EFCAB6: variants seen among roughly 807,000 people sequenced by gnomAD.
The protein encoded by EFCAB6 is EF-hand calcium-binding domain-containing protein 6.
Under a neutral mutation model 169.8 loss-of-function variants are expected in EFCAB6, and 156 were observed. The ratio of observed to expected loss-of-function variants is 0.92; its 90% CI spans 0.81 to 1.05. The LOEUF is 1.05. Ranked by LOEUF, EFCAB6 falls within the 50% of genes least tolerant of loss-of-function variation. The pLI, the probability that EFCAB6 is intolerant of heterozygous loss-of-function variation, is 0.00. For synonymous variants in EFCAB6, 698 were observed against 676.4 expected (o/e 1.03, Z -0.50); for missense variants, 1,800 against 1,829.1 (o/e 0.98, Z 0.29).
intron 2 of EFCAB6, among the ~76,000 whole-genome samples, chr22:43,791,678 C>A (rs1375813957): frequency 1.3e-5 from 2 of 151,996 alleles, no homozygotes; most frequent in African/African-American, 2.4e-5. Context: ...CACCGAGGAC[C>A]CTGATAGTAA....
chr22:43,600,753 T>G (rs979363340), intron 22 of EFCAB6, among the ~76,000 whole-genome samples: 2 of 152,144 alleles, frequency 1.3e-5, no homozygotes, highest in African/African-American at 4.8e-5. Context: ...AACCTCTGTC[T>G]CCAAGGCTCA....
chr22:43,737,392 T>TCA (rs1018294856), intron 6 of EFCAB6, among the ~76,000 whole-genome samples: 1 of 138,020 alleles, frequency 7.2e-6, no homozygotes, highest in Non-Finnish European at 1.6e-5. Context: ...ACACATATAT[T>TCA]CACACACACA....
intron 17 of EFCAB6, among the ~76,000 whole-genome samples, chr22:43,659,756 G>A (rs2056915402): frequency 6.6e-6 from 1 of 152,194 alleles, no homozygotes; most frequent in South Asian, 2.1e-4. Flanking sequence ...ATATGTGTGG[G>A]GAATTCATGG....
At chr22:43,613,203 G>A (rs2053446196) in intron 21 of EFCAB6, among the ~76,000 whole-genome samples, 1 of 147,052 alleles carries the variant, frequency 6.8e-6, no homozygotes, top group African/African-American at 2.5e-5. Flanking sequence ...TAATATATTT[G>A]TTATAGAAAT....
rs752675139 is a variant in EFCAB6, at chr22:43,755,794, C to T, written c.479G>A (p.Arg160Lys). ...TTCTCCCACTTGGATTTCAAGTTCT[C>T]TTAATGTGCGGCAGCAATTCATTTC... ...GNEMNCCRTL[R>K]ELEIQVGEKV... is the part of the protein sequence containing the mutation. The change falls in exon 6 of 32, where the codon AGA becomes AAA. Residue 160 changes from arginine (R) to lysine (K), a missense_variant. Physicochemically the swap from Arg to Lys is conservative, Grantham distance 26. Coordinates refer to ENST00000262726, the MANE Select transcript of EFCAB6 (RefSeq NM_022785.4). 5 of 1,607,254 alleles carry T rather than the reference C, an allele frequency of 3.1e-6. No individual in the cohort carries two copies. The highest frequency in any genetic ancestry group is 4.2e-6 in the Non-Finnish European group (5 of 1,178,048).
intron 4 of EFCAB6, among the ~76,000 whole-genome samples, chr22:43,769,363 G>A (rs565773237): frequency 5.3e-5 from 8 of 152,176 alleles, no homozygotes; most frequent in Non-Finnish European, 7.3e-5. Context: ...TGCTAAGGAG[G>A]ACAGTTTCTT....
At chr22:43,811,335 GGA>G (rs1247990157) in intron 1 of EFCAB6, among the ~76,000 whole-genome samples, 10 of 128,968 alleles carry the variant, frequency 7.8e-5, no homozygotes, top group African/African-American at 1.5e-4. Context: ...GGGGAGGGGA[GGA>G]GAGAGGAGGG....
intron 6 of EFCAB6, among the ~76,000 whole-genome samples, chr22:43,753,992 T>C (rs1442466163): frequency 2.0e-5 from 3 of 152,200 alleles, no homozygotes; most frequent in Non-Finnish European, 2.9e-5. Flanking sequence ...TTTCTCAGTC[T>C]CCAACATTAG....
At chr22:43,622,881 T>G (rs1436869894) in intron 20 of EFCAB6, among the ~76,000 whole-genome samples, 1 of 152,200 alleles carries the variant, frequency 6.6e-6, no homozygotes, top group Admixed American at 6.5e-5. Context: ...TCTACAGTAT[T>G]TCTCAAGAAT....
At chr22:43,749,599 G>C (rs1290716431) in intron 6 of EFCAB6, among the ~76,000 whole-genome samples, 1 of 152,154 alleles carries the variant, frequency 6.6e-6, no homozygotes, top group African/African-American at 2.4e-5. Context: ...AGAAGCTAAT[G>C]CCGCTGCTGA....
At chr22:43,655,236 A>G (rs1437571192) in intron 17 of EFCAB6, among the ~76,000 whole-genome samples, 1 of 152,282 alleles carries the variant, frequency 6.6e-6, no homozygotes, top group South Asian at 2.1e-4. Flanking sequence ...CAGCCTGGGC[A>G]ACAGAGCAAG....
Position 43,755,766 on chromosome 22 carries a change from C to T in EFCAB6, c.507G>A (p.Lys169=), listed in dbSNP as rs762514618. The T allele has an allele frequency of 6.2e-7, 1 of 1,606,106 alleles. No individual in the cohort carries two copies. The highest frequency in any genetic ancestry group is 1.7e-5 in the Admixed American group (1 of 58,508). Residue 169 remains lysine, a splice_region_variant and synonymous_variant, in exon 6 of 32, where the codon AAG becomes AAA. Transcript: ENST00000262726. The part of the protein sequence containing the change: ...LRELEIQVGE[K]VFKNIKTVMK... ...ATCATTTCTTTAAAATCTCTATTAC[C>T]TTTTCTCCCACTTGGATTTCAAGTT...
At chr22:43,683,021 C>T (rs1355272667) in intron 12 of EFCAB6, among the ~76,000 whole-genome samples, 4 of 152,160 alleles carry the variant, frequency 2.6e-5, no homozygotes, top group Admixed American at 2.6e-4. Flanking sequence ...CTCCCAGACA[C>T]TCCCTCCACG....
At chr22:43,731,853 TA>T in intron 7 of EFCAB6, 42 bp from the exon 8 acceptor site, 1 of 1,315,166 alleles carries the variant, frequency 7.6e-7, no homozygotes, top group Non-Finnish European at 1.0e-6. Flanking sequence ...ATTATGAATC[TA>T]AAATGAAGCA....
chr22:43,712,630 TTC>T (rs2147387846), intron 9 of EFCAB6, among the ~76,000 whole-genome samples: 1 of 152,298 alleles, frequency 6.6e-6, no homozygotes, highest in South Asian at 2.1e-4. Context: ...ATTTGTCCAT[TTC>T]TCTTTCAGGG....
At position 43,537,588 on chromosome 22, in the gene EFCAB6, A is replaced by AT; in HGVS notation, c.3880-44_3880-43insA. 1 of 1,565,516 alleles carries AT rather than the reference A, an allele frequency of 6.4e-7. No homozygotes were observed. The highest frequency in any genetic ancestry group is 8.7e-7 in the Non-Finnish European group (1 of 1,152,360). On this transcript the variant is annotated intron_variant, in intron 28 of 31. Transcript: ENST00000262726. This position sits in a 1 kb window ranked among gnomAD's most constrained non-coding sequence, Gnocchi z 4.3. ...AAAAGGCTCTTTTCACTTAAGATTT[A>AT]AAACGGAAGTCATCAAAAATACCTC...
chr22:43,612,186 T>C lies in EFCAB6; in HGVS notation c.2563-3586A>G, dbSNP rs150861318. 2.6e-5 allele frequency among the ~76,000 whole-genome samples: 4 copies of C among 152,154 alleles called. No individual in the cohort carries two copies. The East Asian group carries it at 7.7e-4, about 29-fold the overall frequency. On this transcript the variant is annotated intron_variant, in intron 21 of 31. Transcript: ENST00000262726. Reference sequence around the variant, plus strand: ...TAACAGAAAATAAACTCAAGATGAATAAAAGACTTAAACGTCAAACTAAAA... The same window carrying C: ...TAACAGAAAATAAACTCAAGATGAACAAAAGACTTAAACGTCAAACTAAAA...
At chr22:43,577,088 G>A (rs2050305108) in intron 25 of EFCAB6, among the ~76,000 whole-genome samples, 1 of 152,202 alleles carries the variant, frequency 6.6e-6, no homozygotes, top group Admixed American at 6.5e-5. Flanking sequence ...AGCCCGAGTG[G>A]CCTTGCATCA....
intron 10 of EFCAB6, among the ~76,000 whole-genome samples, chr22:43,696,014 ATG>A (rs1226391790): frequency 6.6e-6 from 1 of 152,126 alleles, no homozygotes; most frequent in Non-Finnish European, 1.5e-5. Flanking sequence ...AGCTAAGAAA[ATG>A]AAAGAGCAAG....
Sources: gnomAD v4.1 joint callset for allele counts (sites outside exome capture counted in the v4.1 genomes callset) on GRCh38, gnomAD v4.1.1 for gene constraint, Gnocchi (gnomAD v3.1) non-coding constraint, MANE v1.5 for transcripts, NCBI Gene and HGNC (gene_info 2026-07-23, HGNC 2026-07-21) for gene names.